Variants in ZNF385D observed in about 807,000 individuals in gnomAD.
ZNF385D encodes zinc finger protein 659.
Under a neutral mutation model 35.8 loss-of-function variants are expected in ZNF385D, and 15 were observed. That is an observed-to-expected ratio of 0.42 (90% CI 0.28 to 0.64). ZNF385D has a LOEUF of 0.64. Among genes scored for constraint, ZNF385D ranks in the 30% least tolerant of loss-of-function variants. The pLI is 0.23. For missense variants in ZNF385D, 474 were observed against 494.6 expected (o/e 0.96, Z 0.39); for synonymous variants, 212 against 186.8 (o/e 1.13, Z -1.10).
intron 2 of ZNF385D, among the ~76,000 whole-genome samples, chr3:22,304,052 A>T (rs1703070276): frequency 6.6e-6 from 1 of 152,202 alleles, no homozygotes; most frequent in Non-Finnish European, 1.5e-5. Flanking sequence ...TTGGGATTAC[A>T]GGCGTGAGTC....
At chr3:21,522,176 G>C (rs933280810) in intron 3 of ZNF385D, among the ~76,000 whole-genome samples, 1 of 152,290 alleles carries the variant, frequency 6.6e-6, no homozygotes, top group African/African-American at 2.4e-5. Flanking sequence ...AGGAAAAGTT[G>C]AGCAAACTGA....
At chr3:22,144,326 C>A (rs1421725617) in intron 3 of ZNF385D, among the ~76,000 whole-genome samples, 1 of 152,038 alleles carries the variant, frequency 6.6e-6, no homozygotes, top group Non-Finnish European at 1.5e-5. Context: ...GTAATCTCAG[C>A]ACTACTGGAG....
At chr3:21,819,493 T>C (rs1228210015) in intron 3 of ZNF385D, among the ~76,000 whole-genome samples, 4 of 151,168 alleles carry the variant, frequency 2.6e-5, no homozygotes, top group African/African-American at 9.7e-5. Flanking sequence ...AAAAATTATG[T>C]TTTAAGAAAA....
At chr3:22,175,396 C>A in intron 2 of ZNF385D, among the ~76,000 whole-genome samples, 1 of 151,320 alleles carries the variant, frequency 6.6e-6, no homozygotes, top group Non-Finnish European at 1.5e-5. Flanking sequence ...TTTCCAGAGA[C>A]AATTATCATA....
intron 3 of ZNF385D, among the ~76,000 whole-genome samples, chr3:21,782,902 G>A (rs1176066386): frequency 1.3e-5 from 2 of 152,018 alleles, no homozygotes; most frequent in African/African-American, 4.8e-5. Context: ...ATCACATCCT[G>A]GACAATTAGG....
At chr3:22,183,936 G>A (rs556462798) in intron 2 of ZNF385D, among the ~76,000 whole-genome samples, 12 of 151,680 alleles carry the variant, frequency 7.9e-5, no homozygotes, top group South Asian at 4.2e-4. Flanking sequence ...AGGAAGTTCC[G>A]TTTTTTATTT....
chr3:22,246,606 A>G (rs1699795353), intron 2 of ZNF385D, among the ~76,000 whole-genome samples: 1 of 152,188 alleles, frequency 6.6e-6, no homozygotes, highest in Non-Finnish European at 1.5e-5. Context: ...ATTTGATGTT[A>G]GTATCTCAAT....
intron 3 of ZNF385D, among the ~76,000 whole-genome samples, chr3:21,968,529 G>GGAGAC (rs911770447): frequency 6.6e-6 from 1 of 151,978 alleles, no homozygotes; most frequent in Non-Finnish European, 1.5e-5. Flanking sequence ...GGAGAGGAGA[G>GGAGAC]GAGAGAGTAA....
chr3:22,342,226 G>C (rs918490223), intron 2 of ZNF385D, among the ~76,000 whole-genome samples: 2 of 130,982 alleles, frequency 1.5e-5, no homozygotes, highest in Non-Finnish European at 3.1e-5. Flanking sequence ...GCAGTGAGCC[G>C]AGATAGCCCC....
intron 2 of ZNF385D, among the ~76,000 whole-genome samples, chr3:22,336,328 T>C (rs970676912): frequency 6.6e-6 from 1 of 152,160 alleles, no homozygotes; most frequent in Non-Finnish European, 1.5e-5. Flanking sequence ...ACTTGTACAA[T>C]ACCAAAACTT....
At chr3:21,463,032 CA>C (rs1439733188) in intron 4 of ZNF385D, among the ~76,000 whole-genome samples, 2 of 150,778 alleles carry the variant, frequency 1.3e-5, no homozygotes, top group African/African-American at 4.9e-5. Context: ...GAGGCAATAC[CA>C]AAAAAAATAA....
chr3:22,240,013 C>CAA (rs558561545), intron 2 of ZNF385D, among the ~76,000 whole-genome samples: 2 of 137,306 alleles, frequency 1.5e-5, no homozygotes, highest in African/African-American at 5.4e-5. Context: ...CCAGTCTCTA[C>CAA]AAAAAAAAAA....
intron 2 of ZNF385D, among the ~76,000 whole-genome samples, chr3:22,322,946 G>A (rs528413281): frequency 1.7e-4 from 26 of 152,112 alleles, no homozygotes; most frequent in Non-Finnish European, 3.8e-4. Context: ...CATTGCTATG[G>A]CACCTTAAAT....
At chr3:21,895,831 G>C (rs575942819) in intron 3 of ZNF385D, among the ~76,000 whole-genome samples, 54 of 152,090 alleles carry the variant, frequency 3.6e-4, no homozygotes, top group Non-Finnish European at 6.8e-4. Context: ...AGGCAGTCAA[G>C]GGATGTTAAG....
chr3:22,218,106 T>C (rs1698008474), intron 2 of ZNF385D, among the ~76,000 whole-genome samples: 1 of 152,144 alleles, frequency 6.6e-6, no homozygotes, highest in Non-Finnish European at 1.5e-5. Flanking sequence ...ATATAAATCA[T>C]TCAACAAGAC....
chr3:21,624,440 C>T (rs911532239), intron 2 of ZNF385D, among the ~76,000 whole-genome samples: 2 of 152,032 alleles, frequency 1.3e-5, no homozygotes, highest in African/African-American at 4.8e-5. Context: ...TCCAGCCAGA[C>T]AGATACATAT....
chr3:21,902,234 T>C (rs997685805), intron 3 of ZNF385D, among the ~76,000 whole-genome samples: 1 of 152,202 alleles, frequency 6.6e-6, no homozygotes, highest in African/African-American at 2.4e-5. Flanking sequence ...TCAATGGTCA[T>C]CATGGTCTCA....
chr3:21,670,100 A>C (rs1452232252), intron 1 of ZNF385D, among the ~76,000 whole-genome samples: 1 of 152,154 alleles, frequency 6.6e-6, no homozygotes, highest in African/African-American at 2.4e-5. Flanking sequence ...ACTGTTAAAT[A>C]TTCATGCCAA....
chr3:21,787,451 C>A (rs1312567266), intron 3 of ZNF385D, among the ~76,000 whole-genome samples: 1 of 152,108 alleles, frequency 6.6e-6, no homozygotes, highest in Non-Finnish European at 1.5e-5. Flanking sequence ...CCCCTAAGCC[C>A]CGTGCCCCTA....
Sources: gnomAD v4.1 joint callset for allele counts (sites outside exome capture counted in the v4.1 genomes callset) on GRCh38, gnomAD v4.1.1 for gene constraint, MANE v1.5 for transcripts, NCBI Gene and HGNC (gene_info 2026-07-23, HGNC 2026-07-21) for gene names.